Variants in MDM1 observed in about 807,000 individuals in gnomAD.
MDM1 encodes stabilizer of axonemal microtubules 6.
Under a neutral mutation model 89.1 loss-of-function variants are expected in MDM1, and 61 were observed. That is an observed-to-expected ratio of 0.68 (90% CI 0.56 to 0.85). The LOEUF is 0.85. Ranked by LOEUF, MDM1 falls within the 40% of genes least tolerant of loss-of-function variation. MDM1 has a pLI of 0.00. For synonymous variants in MDM1, 290 were observed against 294.1 expected (o/e 0.99, Z 0.14); for missense variants, 820 against 846.5 (o/e 0.97, Z 0.39).
intron 12 of MDM1, among the ~76,000 whole-genome samples, chr12:68,309,526 T>C (rs1008149019): frequency 2.0e-5 from 3 of 152,236 alleles, no homozygotes; most frequent in South Asian, 2.1e-4. Context: ...TTATGTACCA[T>C]GTCTGTTTCT....
In MDM1 at chr12:68,332,285, C is replaced by G; in HGVS notation, c.-40G>C. On this transcript the variant is annotated 5_prime_UTR_variant, in exon 1 of 15. Transcript: ENST00000682720. Reference sequence around the variant, plus strand: ...GAGCCCCCGCTACTCCGACAGTTAACTGGAGAAAAAGCTCCGAGGGGGCGG... The same window carrying G: ...GAGCCCCCGCTACTCCGACAGTTAAGTGGAGAAAAAGCTCCGAGGGGGCGG... The G allele has an allele frequency of 6.4e-7, 1 of 1,572,948 alleles. No individual in the cohort carries two copies. Among genetic ancestry groups the G allele is most frequent in the Non-Finnish European group, 8.6e-7 (1 of 1,160,296 alleles).
At chr12:68,297,360 A>C (rs369684339) in intron 13 of MDM1, among the ~76,000 whole-genome samples, 2 of 152,220 alleles carry the variant, frequency 1.3e-5, no homozygotes, top group African/African-American at 4.8e-5. Flanking sequence ...TAGGACAAAG[A>C]GAATGGGAGC....
rs566577079 is a variant in MDM1 at position 68,313,418 on chromosome 12, G to A, written c.1749+25C>T. On this transcript the variant is annotated intron_variant, in intron 12 of 14. Transcript: ENST00000682720. The stretch of plus-strand genomic sequence containing the variant: ...TACAATAATTAGTCCTAGATGAGAT[G>A]CTTTTTTCCCCAAAACATGTTTACC... 15 of 1,500,326 alleles carry A rather than the reference G, an allele frequency of 1.0e-5. No homozygotes were observed. The East Asian group carries it at 3.2e-4, about 32-fold the overall frequency. 92.9% of individuals were successfully genotyped at this position (1,500,326 alleles called of 1,614,324 possible). A position where few individuals can be genotyped will look rare whatever the true frequency, so the allele number is the denominator to read the frequency against.
chr12:68,327,061 A>C, intron 2 of MDM1, 40 bp from the exon 3 acceptor site: 1 of 1,525,928 alleles, frequency 6.6e-7, no homozygotes, highest in Non-Finnish European at 8.7e-7. Context: ...CTACTAAAGC[A>C]AAAAGTTACA....
At chr12:68,318,081 G>A (rs781488404) in intron 7 of MDM1, among the ~76,000 whole-genome samples, 1 of 152,206 alleles carries the variant, frequency 6.6e-6, no homozygotes, top group Non-Finnish European at 1.5e-5. Context: ...CAGACTAAGT[G>A]GTATGCCTGA....
At chr12:68,321,024 C>T (rs1875151440) in intron 7 of MDM1, 1 of 198,214 alleles carries the variant, frequency 5.0e-6, no homozygotes, top group South Asian at 1.6e-4. Flanking sequence ...TCAGTTGAGA[C>T]AGTGGAGGTC....
Position 68,294,624 on chromosome 12 carries a change from G to T in MDM1, c.*630C>A, listed in dbSNP as rs906547585. ...CAAAGTTTTAATTCTCCATTATACA[G>T]GTAATTTTTCAAAATCTAGACATTA... On this transcript the variant is annotated 3_prime_UTR_variant, in exon 15 of 15. Transcript: ENST00000682720. 4 of 152,068 alleles carry T rather than the reference G, an allele frequency of 2.6e-5. No individual in the cohort carries two copies. Among genetic ancestry groups the T allele is most frequent in the African/African-American group, 9.7e-5 (4 of 41,402 alleles). 9.4% of individuals were successfully genotyped at this position (152,068 alleles called of 1,614,324 possible).
intron 1 of MDM1, among the ~76,000 whole-genome samples, chr12:68,331,480 A>G (rs1353279819): frequency 1.3e-5 from 2 of 152,148 alleles, no homozygotes; most frequent in East Asian, 3.8e-4. Context: ...CCTTTCACTG[A>G]TTATCTGATT....
At chr12:68,322,987 C>T (rs1412075030) in intron 5 of MDM1, 86 bp downstream of exon 5, 2 of 1,343,460 alleles carry the variant, frequency 1.5e-6, no homozygotes. Flanking sequence ...AAACCAAAAA[C>T]TCCCAGGTGG....
In MDM1 at chr12:68,332,283, A is replaced by G. The variant is rs754480087; in HGVS notation, c.-38T>C. The G allele has an allele frequency of 1.1e-5, 17 of 1,572,908 alleles. No homozygotes were observed. In the South Asian group the frequency reaches 1.9e-4, roughly 17 times the overall value. ...CGGAGCCCCCGCTACTCCGACAGTT[A>G]ACTGGAGAAAAAGCTCCGAGGGGGC... On this transcript the variant is annotated 5_prime_UTR_variant, in exon 1 of 15. Coordinates refer to ENST00000682720, the MANE Select transcript of MDM1 (RefSeq NM_001354969.2).
intron 14 of MDM1, 70 bp from the exon 15 acceptor site, chr12:68,295,436 A>T: frequency 1.0e-6 from 1 of 965,224 alleles, no homozygotes; most frequent in Non-Finnish European, 1.6e-6. Flanking sequence ...TGTGTTTTAT[A>T]TAACAGAAAA....
chr12:68,308,627 TA>T (rs1451368870), intron 12 of MDM1, among the ~76,000 whole-genome samples: 2 of 152,206 alleles, frequency 1.3e-5, no homozygotes. Context: ...ATTATTTTCT[TA>T]AAAAATTGTC....
intron 3 of MDM1, 190 bp downstream of exon 3, chr12:68,326,467 G>A (rs1474424863): frequency 4.1e-6 from 6 of 1,481,454 alleles, no homozygotes; most frequent in South Asian, 1.4e-5. Context: ...CTACAAAATA[G>A]CGAGTAGTCA....
chr12:68,315,453 T>C (rs1023784914), intron 9 of MDM1, among the ~76,000 whole-genome samples, 188 bp from the exon 10 acceptor site: 21 of 152,218 alleles, frequency 1.4e-4, no homozygotes, highest in African/African-American at 4.6e-4. Flanking sequence ...AAAGTCATAA[T>C]CTGGAGTTTC....
intron 12 of MDM1, among the ~76,000 whole-genome samples, chr12:68,312,377 TGA>T (rs1367676057): frequency 1.3e-5 from 2 of 152,210 alleles, no homozygotes; most frequent in Admixed American, 6.5e-5. Flanking sequence ...CCAAAAATCT[TGA>T]GTCACCCTTG....
chr12:68,315,319 T>C lies in MDM1; in HGVS notation c.1212-54A>G. On this transcript the variant is annotated intron_variant, in intron 9 of 14. Coordinates refer to ENST00000682720, the MANE Select transcript of MDM1 (RefSeq NM_001354969.2). ...ATGTGAATAGTTTGCACTTTTCTAATCAACACCAATTTTAGTGAGTCCATC... is the reference window on the plus strand; with the variant it reads ...ATGTGAATAGTTTGCACTTTTCTAACCAACACCAATTTTAGTGAGTCCATC... 2.0e-6 allele frequency: 3 copies of C among 1,519,148 alleles called. No homozygotes were observed. The South Asian group carries it at 3.8e-5, about 19-fold the overall frequency. The allele number at this position is 1,519,148 out of a possible 1,614,324, so 94.1% of individuals were successfully genotyped here.
chr12:68,307,810 T>G (rs1264557775), intron 12 of MDM1, among the ~76,000 whole-genome samples: 2 of 151,530 alleles, frequency 1.3e-5, no homozygotes, highest in Non-Finnish European at 2.9e-5. Flanking sequence ...TGGCCACAGG[T>G]GGCTATAGTC....
chr12:68,314,162 G>C (rs939730810), intron 10 of MDM1, among the ~76,000 whole-genome samples: 8 of 145,244 alleles, frequency 5.5e-5, no homozygotes, highest in African/African-American at 2.0e-4. Flanking sequence ...AAACTTGTAA[G>C]AGAAGGCCAT....
intron 13 of MDM1, among the ~76,000 whole-genome samples, chr12:68,299,689 GTAAACAACCA>G (rs2120746692): frequency 6.6e-6 from 1 of 152,284 alleles, no homozygotes; most frequent in Non-Finnish European, 1.5e-5. Flanking sequence ...ATAGGATTAT[GTAAACAACCA>G]AATGTAAGAA....
Sources: allele counts gnomAD v4.1 joint callset (sites outside exome capture counted in the v4.1 genomes callset), GRCh38; gene constraint gnomAD v4.1.1; transcripts MANE v1.5; gene names NCBI Gene and HGNC (gene_info 2026-07-23, HGNC 2026-07-21).